Variants in RPRD1A observed in about 807,000 individuals in gnomAD.
The protein encoded by RPRD1A is regulation of nuclear pre-mRNA domain-containing protein 1A.
A neutral mutation model predicts 37.8 loss-of-function variants in RPRD1A; 9 were observed. The observed-to-expected ratio is 0.24, with a 90% CI of 0.14 to 0.42. The LOEUF is 0.42. Among genes scored for constraint, RPRD1A ranks in the 10% least tolerant of loss-of-function variants. RPRD1A has a pLI of 1.00. For synonymous variants in RPRD1A, 138 were observed against 139.7 expected (o/e 0.99, Z 0.08); for missense variants, 255 against 371.0 (o/e 0.69, Z 2.57).
intron 1 of RPRD1A, 25 bp downstream of exon 1, chr18:36,067,229 C>A: frequency 4.5e-6 from 7 of 1,538,750 alleles, no homozygotes; most frequent in Non-Finnish European, 6.2e-6. Context: ...TGGTGGGAAG[C>A]GGCCGACATA....
intron 1 of RPRD1A, among the ~76,000 whole-genome samples, chr18:36,034,743 T>C (rs1385258571): frequency 6.6e-6 from 1 of 152,230 alleles, no homozygotes. Context: ...CCTATTGATG[T>C]GGGCTATCTT....
intron 1 of RPRD1A, among the ~76,000 whole-genome samples, chr18:36,066,926 A>T (rs1372093782): frequency 6.6e-6 from 1 of 152,058 alleles, no homozygotes; most frequent in East Asian, 1.9e-4. Flanking sequence ...TCCCTCCCTT[A>T]TCCTCCATTA....
intron 1 of RPRD1A, among the ~76,000 whole-genome samples, chr18:36,038,800 G>C (rs1003118301): frequency 5.9e-5 from 9 of 152,182 alleles, no homozygotes. Context: ...GGAGTCAAAG[G>C]TGATTTTGGA....
chr18:36,010,850 G>C (rs892766955), intron 6 of RPRD1A, among the ~76,000 whole-genome samples: 3 of 152,150 alleles, frequency 2.0e-5, no homozygotes, highest in Non-Finnish European at 4.4e-5. Context: ...CAGACAAGTA[G>C]GCTTGACTCA....
chr18:35,992,934 A>C lies in RPRD1A; in HGVS notation c.*217T>G, dbSNP rs200230642. 5 of 391,796 alleles carry C rather than the reference A, an allele frequency of 1.3e-5. No individual in the cohort carries two copies. In the East Asian group the frequency reaches 2.0e-4, roughly 16 times the overall value. 24.3% of individuals were successfully genotyped at this position (391,796 alleles called of 1,614,324 possible). ...AATAATCACTATTTGTGAGCTTATT[A>C]ATACACACAAATCATCACTTTGTTC... On this transcript the variant is annotated 3_prime_UTR_variant, in exon 7 of 7. Coordinates refer to ENST00000399022, the MANE Select transcript of RPRD1A (RefSeq NM_018170.5).
At position 35,993,261 on chromosome 18, in the gene RPRD1A, T is replaced by G. The variant is rs140057019; in HGVS notation, c.829A>C (p.Lys277Gln). 5 of 1,614,082 alleles carry G rather than the reference T, an allele frequency of 3.1e-6. No individual in the cohort carries two copies. Among genetic ancestry groups the G allele is most frequent in the East Asian group, 2.2e-5 (1 of 44,896 alleles). Reference protein sequence around the residue: ...RKLARVSLVRKELRSRIQSLP... With the variant: ...RKLARVSLVRQELRSRIQSLP... ...CTCTGGATCCGGGACCTGAGTTCTTTGCGCACCAGGGAAACTCTGGCTAGC... is the reference window on the plus strand; with the variant it reads ...CTCTGGATCCGGGACCTGAGTTCTTGGCGCACCAGGGAAACTCTGGCTAGC... Residue 277 changes from lysine to glutamine, a missense_variant, in exon 7 of 7, where the codon AAA (lysine) becomes CAA (glutamine). Lys to Gln is a moderately conservative substitution (Grantham distance 53, BLOSUM62 1). This residue lies in a region of RPRD1A where 211 missense variants were observed against 268.9 expected (regional missense o/e 0.78). Coordinates refer to ENST00000399022, the MANE Select transcript of RPRD1A (RefSeq NM_018170.5).
chr18:36,027,058 T>C lies in RPRD1A; in HGVS notation c.631A>G (p.Arg211Gly), dbSNP rs1178424972. Residue 211 changes from arginine to glycine, a missense_variant, in exon 6 of 7, where the codon AGG (arginine) becomes GGG (glycine). Arg to Gly is a moderately radical substitution (Grantham distance 125). This residue lies in a region of RPRD1A where 211 missense variants were observed against 268.9 expected (regional missense o/e 0.78). Coordinates refer to ENST00000399022, the MANE Select transcript of RPRD1A (RefSeq NM_018170.5). Reference sequence around the variant, plus strand: ...GCATCCTCTACCATTTTGGAAAGCCTTTCTCCAGATTCTTTATCTAAGAAA... The same window carrying C: ...GCATCCTCTACCATTTTGGAAAGCCCTTCTCCAGATTCTTTATCTAAGAAA... ...DKITDKESGE[R>G]LSKMVEDACM... 3.1e-6 allele frequency: 5 copies of C among 1,613,858 alleles called. No homozygotes were observed. Among genetic ancestry groups the C allele is most frequent in the Non-Finnish European group, 4.2e-6 (5 of 1,179,880 alleles).
chr18:36,016,594 C>G (rs916243713), intron 6 of RPRD1A, among the ~76,000 whole-genome samples: 2 of 152,086 alleles, frequency 1.3e-5, no homozygotes, highest in African/African-American at 2.4e-5. Context: ...AATTATTTTA[C>G]TTCTAGGAAT....
At chr18:36,002,672 A>G (rs1312628452) in intron 6 of RPRD1A, among the ~76,000 whole-genome samples, 1 of 152,154 alleles carries the variant, frequency 6.6e-6, no homozygotes, top group Non-Finnish European at 1.5e-5. Context: ...CAATTATTTT[A>G]AATTCTTAGT....
intron 6 of RPRD1A, among the ~76,000 whole-genome samples, chr18:36,009,910 A>AC (rs1555670905): frequency 6.6e-6 from 1 of 151,480 alleles, no homozygotes; most frequent in Non-Finnish European, 1.5e-5. Flanking sequence ...CACCCTCTCA[A>AC]CCCCTGCATT....
At chr18:36,030,729 A>T in intron 4 of RPRD1A, 79 bp downstream of exon 4, 1 of 810,204 alleles carries the variant, frequency 1.2e-6, no homozygotes. Flanking sequence ...CAATTTACAG[A>T]AGTGAAACGA....
At chr18:36,017,772 A>G (rs1252333874) in intron 6 of RPRD1A, among the ~76,000 whole-genome samples, 1 of 152,326 alleles carries the variant, frequency 6.6e-6, no homozygotes, top group Admixed American at 6.5e-5. Flanking sequence ...AGGGCAATAG[A>G]GTGTAAATTC....
At chr18:35,994,896 A>G (rs905223696) in intron 6 of RPRD1A, among the ~76,000 whole-genome samples, 9 of 152,212 alleles carry the variant, frequency 5.9e-5, no homozygotes, top group African/African-American at 2.2e-4. Context: ...CATATAATGA[A>G]TCTATCTGAT....
chr18:36,031,102 A>T lies in RPRD1A; in HGVS notation c.282-5T>A. ...TTACAACTTTCATCAGTTTCACTAA[A>T]AAAAAAAAAAAAGAAAAAAAGAAAA... On this transcript the variant is annotated splice_region_variant and splice_polypyrimidine_tract_variant and intron_variant, in intron 2 of 6. Transcript: ENST00000399022. The T allele has an allele frequency of 8.4e-7, 1 of 1,184,666 alleles. No homozygotes were observed. Among genetic ancestry groups the T allele is most frequent in the Non-Finnish European group, 1.1e-6 (1 of 881,168 alleles). The allele number at this position is 1,184,666 out of a possible 1,614,324, so 73.4% of individuals were successfully genotyped here.
chr18:36,065,282 AC>A (rs2089006555), intron 1 of RPRD1A, among the ~76,000 whole-genome samples: 1 of 152,126 alleles, frequency 6.6e-6, no homozygotes, highest in Non-Finnish European at 1.5e-5. Flanking sequence ...TTTAGACTTT[AC>A]CCCCATAGCA....
chr18:36,026,571 C>CA (rs1251827240), intron 6 of RPRD1A: 10 of 202,340 alleles, frequency 4.9e-5, no homozygotes, highest in Non-Finnish European at 9.1e-5. Flanking sequence ...AATCCTACTA[C>CA]AAGTGACTGC....
intron 4 of RPRD1A, among the ~76,000 whole-genome samples, chr18:36,029,349 C>T (rs749497992): frequency 5.9e-5 from 9 of 152,164 alleles, no homozygotes; most frequent in Non-Finnish European, 1.2e-4. Flanking sequence ...CTAACTCCCA[C>T]GGAGCACTGT....
chr18:36,049,063 G>A (rs1051838842), intron 1 of RPRD1A, among the ~76,000 whole-genome samples: 3 of 152,050 alleles, frequency 2.0e-5, no homozygotes, highest in African/African-American at 4.8e-5. Flanking sequence ...CACCACTGCC[G>A]GCTAATTTTT....
intron 6 of RPRD1A, among the ~76,000 whole-genome samples, chr18:36,007,933 A>G (rs1168310626): frequency 6.6e-6 from 1 of 151,996 alleles, no homozygotes; most frequent in Admixed American, 6.6e-5. Flanking sequence ...GTGAGACTCC[A>G]TCTCAAAATA....
Sources: allele counts gnomAD v4.1 joint callset (sites outside exome capture counted in the v4.1 genomes callset), GRCh38; gene constraint gnomAD v4.1.1; regional missense constraint gnomAD v4.1.1; transcripts MANE v1.5; gene names NCBI Gene and HGNC (gene_info 2026-07-23, HGNC 2026-07-21).